Variants in C1orf159 observed in about 807,000 individuals in gnomAD.
C1orf159 encodes chromosome 1 open reading frame 159.
Under a neutral mutation model 25.6 loss-of-function variants are expected in C1orf159, and 19 were observed. The ratio of observed to expected loss-of-function variants is 0.74; its 90% CI spans 0.52 to 1.09. The LOEUF (loss-of-function observed/expected upper bound fraction) is 1.09. Among genes scored for constraint, C1orf159 ranks in the 50% least tolerant of loss-of-function variants. The pLI is 0.00. For synonymous variants in C1orf159, 139 were observed against 124.7 expected (o/e 1.12, Z -0.77); for missense variants, 274 against 290.6 (o/e 0.94, Z 0.42).
At chr1:1,090,888 G>A (rs553906891) in intron 3 of C1orf159, 1 of 1,550,178 alleles carries the variant, frequency 6.5e-7, no homozygotes, top group South Asian at 1.2e-5. Context: ...TGTGTGTGAG[G>A]GCCCATTCCC....
At position 1,082,801 on chromosome 1, in the gene C1orf159, C is replaced by T. The variant is rs1176526783; in HGVS notation, c.*92G>A. 11 of 1,198,532 alleles carry T rather than the reference C, an allele frequency of 9.2e-6. No individual in the cohort carries two copies. Among genetic ancestry groups the T allele is most frequent in the African/African-American group, 6.1e-5 (4 of 66,048 alleles). The allele number at this position is 1,198,532 out of a possible 1,614,324, so 74.2% of individuals were successfully genotyped here. On this transcript the variant is annotated 3_prime_UTR_variant, in exon 10 of 10. Coordinates refer to ENST00000421241, the MANE Select transcript of C1orf159 (RefSeq NM_017891.5). ...CTGTGCCCAGGACTGTCCCGGGCGC[C>T]GGGCGATGCCAACACTTTGTGCTGG...
intron 1 of C1orf159, among the ~76,000 whole-genome samples, chr1:1,103,176 T>C (rs1177526371): frequency 2.6e-5 from 4 of 152,206 alleles, no homozygotes; most frequent in African/African-American, 9.6e-5. Flanking sequence ...AAATTCCCAT[T>C]TGGCTCATTT....
intron 9 of C1orf159, chr1:1,083,597 T>C: frequency 2.8e-6 from 1 of 355,162 alleles, no homozygotes; most frequent in Non-Finnish European, 5.2e-6. Context: ...TGTGGCCTTG[T>C]TTGCCCCTTG....
At chr1:1,096,843 G>C (rs1570319526) in intron 1 of C1orf159, among the ~76,000 whole-genome samples, 1 of 152,156 alleles carries the variant, frequency 6.6e-6, no homozygotes, top group East Asian at 1.9e-4. Context: ...TCCCACCTCA[G>C]CCTCCCAAGT....
At position 1,087,671 on chromosome 1, in the gene C1orf159, C is replaced by G; in HGVS notation, c.149-74G>C. The G allele has an allele frequency of 5.4e-6, 6 of 1,113,188 alleles. No individual in the cohort carries two copies. The highest frequency in any genetic ancestry group is 7.7e-6 in the Non-Finnish European group (6 of 776,458). The allele number at this position is 1,113,188 out of a possible 1,614,324, so 69.0% of individuals were successfully genotyped here. A position where few individuals can be genotyped will look rare whatever the true frequency, so the allele number is the denominator to read the frequency against. On this transcript the variant is annotated intron_variant, in intron 4 of 9. Coordinates refer to ENST00000421241, the MANE Select transcript of C1orf159 (RefSeq NM_017891.5). The surrounding 1 kb of genome is among the most constrained non-coding windows in gnomAD (Gnocchi z 8.3). ...AGCTGGGTCTCCTGGGAATGATTCTCTATTTGAGTTGGTGAGATAACTTTC... is the reference window on the plus strand; with the variant it reads ...AGCTGGGTCTCCTGGGAATGATTCTGTATTTGAGTTGGTGAGATAACTTTC...
chr1:1,108,619 C>T (rs529483753), intron 1 of C1orf159, among the ~76,000 whole-genome samples: 2 of 140,328 alleles, frequency 1.4e-5, no homozygotes, highest in East Asian at 2.2e-4. Flanking sequence ...ACCACAGCCA[C>T]CATGTCTCAG....
chr1:1,085,288 C>A (rs1272684085), intron 7 of C1orf159: 1 of 436,850 alleles, frequency 2.3e-6, no homozygotes, highest in Non-Finnish European at 4.6e-6. Flanking sequence ...ATCTGCCTGG[C>A]AGGGACCCTG....
intron 1 of C1orf159, among the ~76,000 whole-genome samples, chr1:1,107,198 C>G (rs1646186652): frequency 6.6e-6 from 1 of 152,276 alleles, no homozygotes. Context: ...GGCGCTGGGT[C>G]CATTAGGCAA....
intron 1 of C1orf159, among the ~76,000 whole-genome samples, chr1:1,100,967 A>G (rs2100763898): frequency 6.6e-6 from 1 of 152,286 alleles, no homozygotes; most frequent in South Asian, 2.1e-4. Context: ...TTTTCCCCAG[A>G]TATTTACTAA....
At chr1:1,083,898 A>G in intron 9 of C1orf159, 1 of 1,559,858 alleles carries the variant, frequency 6.4e-7, no homozygotes, top group Non-Finnish European at 8.7e-7. Flanking sequence ...GGCCCCGCAC[A>G]TAAAATGGGT....
intron 7 of C1orf159, 103 bp downstream of exon 7, chr1:1,085,775 A>T (rs1645818629): frequency 6.9e-7 from 1 of 1,445,618 alleles, no homozygotes; most frequent in Admixed American, 2.1e-5. Flanking sequence ...GGCCTCTGCC[A>T]GCCTGCTCTG....
intron 1 of C1orf159, among the ~76,000 whole-genome samples, chr1:1,105,663 C>T (rs565691906): frequency 2.0e-5 from 3 of 152,246 alleles, no homozygotes; most frequent in African/African-American, 4.8e-5. Context: ...GGGTGGATCA[C>T]GAGGTCAGGA....
intron 4 of C1orf159, among the ~76,000 whole-genome samples, chr1:1,090,020 C>A (rs536643080): frequency 6.6e-6 from 1 of 152,228 alleles, no homozygotes; most frequent in Non-Finnish European, 1.5e-5. Flanking sequence ...TTGCCAGAGG[C>A]CCCTGGAGCC....
rs1645763807 is a variant in C1orf159, at chr1:1,082,765, CAG to C, written c.*126_*127del. On this transcript the variant is annotated 3_prime_UTR_variant, in exon 10 of 10. Coordinates refer to ENST00000421241, the MANE Select transcript of C1orf159 (RefSeq NM_017891.5). Reference sequence around the variant, plus strand: ...TCCGTCGCTGGGAGGCGGAGGGACTCAGAGCCGAGGCTGTGCCCAGGACTGTC... The same window carrying C: ...TCCGTCGCTGGGAGGCGGAGGGACTCAGCCGAGGCTGTGCCCAGGACTGTC... The C allele has an allele frequency of 1.1e-6, 1 of 870,284 alleles. No individual in the cohort carries two copies. Among genetic ancestry groups the C allele is most frequent in the Non-Finnish European group, 1.8e-6 (1 of 544,094 alleles). 53.9% of individuals were successfully genotyped at this position (870,284 alleles called of 1,614,324 possible). A position where few individuals can be genotyped will look rare whatever the true frequency, so the allele number is the denominator to read the frequency against.
intron 1 of C1orf159, among the ~76,000 whole-genome samples, chr1:1,097,948 A>T (rs145868546): frequency 6.6e-6 from 1 of 152,088 alleles, no homozygotes; most frequent in African/African-American, 2.4e-5. Flanking sequence ...ATGCCTTTAC[A>T]CGCACTTAGT....
At chr1:1,105,739 G>GGGTGTGGT (rs1570332471) in intron 1 of C1orf159, among the ~76,000 whole-genome samples, 1 of 151,384 alleles carries the variant, frequency 6.6e-6, no homozygotes, top group African/African-American at 2.4e-5. Context: ...AAAATTAGCT[G>GGGTGTGGT]GGCGGGCGCC....
chr1:1,107,877 G>A (rs539837539), intron 1 of C1orf159, among the ~76,000 whole-genome samples: 41 of 152,318 alleles, frequency 2.7e-4, no homozygotes, highest in African/African-American at 9.6e-4. Flanking sequence ...CACTCCTGAA[G>A]CCAGTGAGAC....
intron 1 of C1orf159, among the ~76,000 whole-genome samples, chr1:1,101,603 C>T (rs1362168365): frequency 1.3e-5 from 2 of 151,890 alleles, no homozygotes; most frequent in African/African-American, 2.4e-5. Flanking sequence ...TCAATCAGCT[C>T]AGTCTATTGG....
chr1:1,090,690 C>T (rs568819535), intron 3 of C1orf159: 2 of 705,284 alleles, frequency 2.8e-6, no homozygotes, highest in African/African-American at 1.8e-5. Context: ...AAACCACCCC[C>T]AGGAGGCGGC....
Sources: allele counts gnomAD v4.1 joint callset (sites outside exome capture counted in the v4.1 genomes callset), GRCh38; gene constraint gnomAD v4.1.1; non-coding constraint Gnocchi (gnomAD v3.1); transcripts MANE v1.5; gene names NCBI Gene and HGNC (gene_info 2026-07-23, HGNC 2026-07-21).